The following GPM6B variants were observed in gnomAD, a reference collection of about 807,000 sequenced individuals.
GPM6B encodes the protein glycoprotein M6B.
Under a neutral mutation model 27.2 loss-of-function variants are expected in GPM6B, and 4 were observed. The ratio of observed to expected loss-of-function variants is 0.15; its 90% CI spans 0.07 to 0.34. The LOEUF is 0.34. GPM6B is among the 10% of genes least tolerant of loss of function. GPM6B has a pLI of 1.00. For synonymous variants in GPM6B, 124 were observed against 103.1 expected, an observed-to-expected ratio of 1.20 and a Z score of -1.23; for missense variants, 183 against 261.9, an observed-to-expected ratio of 0.70 and a Z score of 2.08.
At chrX:13,932,546 C>T (rs1359989661) in intron 1 of GPM6B, among the ~76,000 whole-genome samples, 1 of 112,062 alleles carries the variant, frequency 8.9e-6, no homozygotes, top group African/African-American at 3.2e-5. Context: ...CTGAACAGGA[C>T]TCTGTGAATG....
At chrX:13,926,661 G>A (rs1415049670) in intron 1 of GPM6B, among the ~76,000 whole-genome samples, 1 of 111,919 alleles carries the variant, frequency 8.9e-6, no homozygotes, top group African/African-American at 3.2e-5. Context: ...CGGGAGGAAA[G>A]AGTGAATTAT....
intron 2 of GPM6B, among the ~76,000 whole-genome samples, chrX:13,791,232 A>C (rs142965880): frequency 9.1e-6 from 1 of 109,960 alleles, no homozygotes; most frequent in Admixed American, 9.6e-5. Flanking sequence ...CTTTCCTGAG[A>C]AAGAGTCTCA....
chrX:13,928,295 C>T (rs7056680), intron 1 of GPM6B, among the ~76,000 whole-genome samples: 46,736 of 111,396 alleles, frequency 0.42, 8,064 homozygotes, highest in Non-Finnish European at 0.55. Context: ...TTAAGCTGTA[C>T]ACTTATGATT....
rs1278616058 is a variant in GPM6B at position 13,771,573 on chromosome X, T to G, written c.*1308A>C. ...GGAAACAGCCAAACCACAAGTTAAC[T>G]CTTAACAATGAATATACATAGTTAA... On this transcript the variant is annotated 3_prime_UTR_variant, in exon 8 of 8. Transcript: ENST00000316715. 1 of 112,005 alleles carries G rather than the reference T, an allele frequency of 8.9e-6. No individual in the cohort carries two copies. The highest frequency in any genetic ancestry group is 1.9e-5 in the Non-Finnish European group (1 of 53,109). The allele number at this position is 112,005 out of a possible 1,213,427, so 9.2% of individuals were successfully genotyped here. A position where few individuals can be genotyped will look rare whatever the true frequency, so the allele number is the denominator to read the frequency against.
rs779061757 is a variant in GPM6B at position 13,810,606 on chromosome X, TG to T, written c.62-2838del. Among the ~76,000 whole-genome samples, 28 of 110,738 alleles carry T rather than the reference TG, an allele frequency of 2.5e-4. 1 individual carries two copies. The highest frequency in any genetic ancestry group is 8.6e-4 in the African/African-American group (26 of 30,389). ...CTCTGTGCTCATCTCCTCATATGGA[TG>T]GGGTAAGTCTCCAGATGTTCAGGCA... On this transcript the variant is annotated intron_variant, in intron 1 of 7. Coordinates refer to ENST00000316715, the MANE Select transcript of GPM6B (RefSeq NM_001001995.3).
rs2048324556 is a variant in GPM6B at position 13,772,767 on chromosome X, G to A, written c.*114C>T. On this transcript the variant is annotated 3_prime_UTR_variant, in exon 8 of 8. Coordinates refer to ENST00000316715, the MANE Select transcript of GPM6B (RefSeq NM_001001995.3). ...ATCCCAGCAGCTTGAGACAGACAGTGAAGTGTTTGTACATCTACATTAGTT... is the reference window on the plus strand; with the variant it reads ...ATCCCAGCAGCTTGAGACAGACAGTAAAGTGTTTGTACATCTACATTAGTT... 1 of 651,420 alleles carries A rather than the reference G, an allele frequency of 1.5e-6. No homozygotes were observed. Among genetic ancestry groups the A allele is most frequent in the Non-Finnish European group, 2.3e-6 (1 of 430,599 alleles). 53.7% of individuals were successfully genotyped at this position (651,420 alleles called of 1,213,427 possible). A position where few individuals can be genotyped will look rare whatever the true frequency, so the allele number is the denominator to read the frequency against.
In GPM6B at chrX:13,841,123, T is replaced by C. The variant is rs138240274; in HGVS notation, c.-197-55315A>G. Among the ~76,000 whole-genome samples the C allele has an allele frequency of 6.9e-3, 770 of 112,374 alleles. 14 individuals are homozygous for C. Among genetic ancestry groups the C allele is most frequent in the African/African-American group, 0.023 (717 of 30,878 alleles). On this transcript the variant is annotated intron_variant, in intron 1 of 6. Coordinates refer to the GPM6B transcript ENST00000398361. ...GTGCCCACACATACACATTTATATA[T>C]ACATAACATATACATATGTATCCAT...
At chrX:13,845,966 A>G (rs1299022163) in intron 1 of GPM6B, among the ~76,000 whole-genome samples, 1 of 112,021 alleles carries the variant, frequency 8.9e-6, no homozygotes, top group African/African-American at 3.2e-5. Context: ...CCAGGCCATG[A>G]AGGGACACTG....
At chrX:13,892,637 C>T (rs1235650899) in intron 1 of GPM6B, among the ~76,000 whole-genome samples, 1 of 112,129 alleles carries the variant, frequency 8.9e-6, no homozygotes, top group East Asian at 2.8e-4. Context: ...TCAAGTGATT[C>T]TCCTGTCTTG....
chrX:13,872,558 G>T (rs2049990198), intron 1 of GPM6B, among the ~76,000 whole-genome samples: 1 of 110,412 alleles, frequency 9.1e-6, no homozygotes, highest in South Asian at 3.9e-4. Flanking sequence ...GGCCAACCAG[G>T]ACATATGGTC....
chrX:13,905,070 A>G (rs928087552), intron 1 of GPM6B, among the ~76,000 whole-genome samples: 18 of 107,830 alleles, frequency 1.7e-4, no homozygotes, highest in Admixed American at 1.2e-3. Flanking sequence ...CCTCATCTCT[A>G]CAATTAAAAA....
chrX:13,830,104 C>T (rs752308199), intron 1 of GPM6B, among the ~76,000 whole-genome samples: 4 of 111,621 alleles, frequency 3.6e-5, no homozygotes, highest in Non-Finnish European at 5.6e-5. Context: ...AAAGGAGCTA[C>T]GTGCTCCTTG....
chrX:13,864,076 T>C (rs946440686), intron 1 of GPM6B, among the ~76,000 whole-genome samples: 2 of 111,987 alleles, frequency 1.8e-5, no homozygotes, highest in African/African-American at 6.5e-5. Context: ...TTGTTACAGA[T>C]TGAACCAACA....
chrX:13,866,092 A>G (rs933201740), intron 1 of GPM6B, among the ~76,000 whole-genome samples: 9 of 111,848 alleles, frequency 8.0e-5, no homozygotes, highest in South Asian at 3.7e-4. Flanking sequence ...AGCCGGGCGC[A>G]GTGGCTCACG....
upstream of GPM6B, among the ~76,000 whole-genome samples, chrX:13,820,591 A>G (rs937211125): frequency 1.8e-5 from 2 of 111,109 alleles, no homozygotes; most frequent in Middle Eastern, 4.6e-3. Flanking sequence ...CTCAAATGCC[A>G]TCTTCTCAGG....
At chrX:13,850,490 C>G (rs2049702205) in intron 1 of GPM6B, among the ~76,000 whole-genome samples, 3 of 112,568 alleles carry the variant, frequency 2.7e-5, no homozygotes, top group Admixed American at 1.9e-4. Flanking sequence ...TATAGCAATA[C>G]AAATGGACTA....
chrX:13,809,097 A>G (rs1019545861), intron 1 of GPM6B, among the ~76,000 whole-genome samples: 2 of 111,728 alleles, frequency 1.8e-5, no homozygotes, highest in African/African-American at 3.3e-5. Flanking sequence ...TGTGGTACTT[A>G]TTACATTTGT....
chrX:13,803,759 C>A (rs2048965533), intron 2 of GPM6B, among the ~76,000 whole-genome samples: 1 of 111,648 alleles, frequency 9.0e-6, no homozygotes, highest in Non-Finnish European at 1.9e-5. Flanking sequence ...CCTCACTTTG[C>A]CACAAAGAAA....
At chrX:13,862,195 A>G (rs1484390956) in intron 1 of GPM6B, among the ~76,000 whole-genome samples, 1 of 111,442 alleles carries the variant, frequency 9.0e-6, no homozygotes, top group African/African-American at 3.3e-5. Context: ...AACAACAACT[A>G]CAACAAAAAA....
Sources: allele counts gnomAD v4.1 joint callset (sites outside exome capture counted in the v4.1 genomes callset), GRCh38; gene constraint gnomAD v4.1.1; transcripts MANE v1.5; gene names NCBI Gene and HGNC (gene_info 2026-07-23, HGNC 2026-07-21).